The following ARID5B variants were observed in gnomAD, a reference collection of about 807,000 sequenced individuals.
The protein encoded by ARID5B is AT-rich interactive domain-containing protein 5B.
In ARID5B, 13 loss-of-function variants were observed where a neutral mutation model predicts 97.2. That is an observed-to-expected ratio of 0.13 (90% CI 0.09 to 0.21). The LOEUF is 0.21. Among genes scored for constraint, ARID5B ranks in the 10% least tolerant of loss-of-function variants. The probability of loss-of-function intolerance (pLI) is 1.00; values close to 1 mark genes in which losing one functional copy is unlikely to be tolerated. For missense variants in ARID5B, 1,210 were observed against 1,465.3 expected (o/e 0.83, Z 2.84); for synonymous variants, 556 against 570.3 (o/e 0.97, Z 0.36).
At chr10:61,923,587 C>T (rs889709992) in intron 2 of ARID5B, among the ~76,000 whole-genome samples, 9 of 152,200 alleles carry the variant, frequency 5.9e-5, no homozygotes, top group Non-Finnish European at 1.3e-4. Context: ...TAAGGGCTTA[C>T]GTTTACTGTC....
intron 3 of ARID5B, among the ~76,000 whole-genome samples, chr10:61,964,171 A>C (rs913645741): frequency 6.6e-6 from 1 of 152,170 alleles, no homozygotes; most frequent in Non-Finnish European, 1.5e-5. Context: ...GATAGCAGCC[A>C]GGGACCTCTT....
chr10:61,907,658 A>T (rs1213470404), intron 2 of ARID5B, among the ~76,000 whole-genome samples: 1 of 152,286 alleles, frequency 6.6e-6, no homozygotes, highest in Non-Finnish European at 1.5e-5. Flanking sequence ...CAGGCCTTTT[A>T]GAACAAAGAT....
intron 8 of ARID5B, among the ~76,000 whole-genome samples, chr10:62,076,207 G>C (rs17289724): frequency 0.33 from 49,882 of 151,744 alleles, 8,877 homozygotes; most frequent in Non-Finnish European, 0.4. Context: ...CCCATCACAA[G>C]ATCTGAGTCA....
intron 2 of ARID5B, among the ~76,000 whole-genome samples, chr10:61,934,345 G>A (rs1844261886): frequency 6.6e-6 from 1 of 152,208 alleles, no homozygotes; most frequent in African/African-American, 2.4e-5. Flanking sequence ...CACTGGAGTA[G>A]TGCTTTGAAT....
At chr10:62,061,977 TTTTC>T (rs149006520) in intron 7 of ARID5B, among the ~76,000 whole-genome samples, 1 of 152,174 alleles carries the variant, frequency 6.6e-6, no homozygotes, top group African/African-American at 2.4e-5. Flanking sequence ...CCTTCTTCCT[TTTTC>T]TTTCTTTCTT....
chr10:62,041,279 G>A (rs1267295200), intron 4 of ARID5B, among the ~76,000 whole-genome samples: 2 of 152,146 alleles, frequency 1.3e-5, no homozygotes, highest in Non-Finnish European at 2.9e-5. Context: ...TCCGGTACCT[G>A]CACAAACAAA....
At chr10:61,946,535 A>G (rs564990170) in intron 3 of ARID5B, among the ~76,000 whole-genome samples, 4 of 152,176 alleles carry the variant, frequency 2.6e-5, no homozygotes, top group Non-Finnish European at 5.9e-5. Flanking sequence ...ATTTTTCTTA[A>G]CACTGCAACT....
intron 3 of ARID5B, among the ~76,000 whole-genome samples, chr10:61,995,780 T>C (rs1437955867): frequency 6.6e-6 from 1 of 152,182 alleles, no homozygotes; most frequent in Non-Finnish European, 1.5e-5. Flanking sequence ...ATCTTTCCCT[T>C]TTACTTTTCA....
At chr10:61,948,371 CTT>C (rs1366492778) in intron 3 of ARID5B, among the ~76,000 whole-genome samples, 1 of 110,630 alleles carries the variant, frequency 9.0e-6, no homozygotes, top group African/African-American at 3.5e-5. Context: ...TTAGGATACA[CTT>C]TAGGTAATTT....
At chr10:61,993,509 C>A (rs780025414) in intron 3 of ARID5B, among the ~76,000 whole-genome samples, 1 of 151,998 alleles carries the variant, frequency 6.6e-6, no homozygotes, top group African/African-American at 2.4e-5. Context: ...AATTACCTTC[C>A]GAGAAATTAT....
chr10:62,061,727 TTAGGCAGA>T (rs1839923869), intron 7 of ARID5B, among the ~76,000 whole-genome samples: 1 of 152,180 alleles, frequency 6.6e-6, no homozygotes, highest in Admixed American at 6.5e-5. Flanking sequence ...TGCCCTCCTT[TTAGGCAGA>T]TAGGCAGATA....
At chr10:61,929,971 G>A (rs1044502068) in intron 2 of ARID5B, among the ~76,000 whole-genome samples, 12 of 152,230 alleles carry the variant, frequency 7.9e-5, no homozygotes, top group Non-Finnish European at 1.2e-4. Context: ...GTGCAGTTCC[G>A]CTGAGCTTGA....
In ARID5B at chr10:61,901,750, T is replaced by A; in HGVS notation, c.21+20T>A. On this transcript the variant is annotated intron_variant, in intron 1 of 9. Transcript: ENST00000279873. ...CTCCAGGTATTTCGCTCTCCTCCGC[T>A]CCTCCGATCCCGGCACCCCCCGGCA... The A allele has an allele frequency of 1.9e-6, 3 of 1,612,808 alleles. No individual in the cohort carries two copies. Among genetic ancestry groups the A allele is most frequent in the Non-Finnish European group, 2.5e-6 (3 of 1,179,622 alleles).
At chr10:62,014,418 G>A (rs536789415) in intron 4 of ARID5B, among the ~76,000 whole-genome samples, 8 of 152,326 alleles carry the variant, frequency 5.3e-5, no homozygotes, top group Non-Finnish European at 8.8e-5. Context: ...AGGAGGCAGC[G>A]TGTGGTAAGA....
In ARID5B at chr10:62,006,515, A is replaced by G. The variant is rs1202559111; in HGVS notation, c.733+6194A>G. On this transcript the variant is annotated intron_variant, in intron 4 of 9. Coordinates refer to ENST00000279873, the MANE Select transcript of ARID5B (RefSeq NM_032199.3). ...ACTCTTGGCACTTTCTCCTTGTTGC[A>G]TGGGCTACCAAAGTGAAAACAAGGA... Among the ~76,000 whole-genome samples, 3 of 152,308 alleles carry G rather than the reference A, an allele frequency of 2.0e-5. No individual in the cohort carries two copies. The East Asian group carries it at 5.8e-4, about 29-fold the overall frequency.
At chr10:61,992,020 G>A (rs1003644082) in intron 3 of ARID5B, among the ~76,000 whole-genome samples, 2 of 150,668 alleles carry the variant, frequency 1.3e-5, no homozygotes, top group Admixed American at 6.6e-5. Flanking sequence ...CAACAATAGC[G>A]AAACTCTGTC....
chr10:61,902,713 G>GTT (rs1360276742), intron 2 of ARID5B, among the ~76,000 whole-genome samples: 1 of 151,856 alleles, frequency 6.6e-6, no homozygotes, highest in Non-Finnish European at 1.5e-5. Flanking sequence ...ATGTGTGTGT[G>GTT]TGTGTTCATT....
At chr10:61,953,110 G>A (rs76025889) in intron 3 of ARID5B, among the ~76,000 whole-genome samples, 45 of 152,112 alleles carry the variant, frequency 3.0e-4, no homozygotes, top group Non-Finnish European at 4.6e-4. Flanking sequence ...CAATCACACC[G>A]TTTTAATCTT....
At chr10:62,008,437 C>G (rs1025113926) in intron 4 of ARID5B, among the ~76,000 whole-genome samples, 1 of 152,116 alleles carries the variant, frequency 6.6e-6, no homozygotes, top group African/African-American at 2.4e-5. Flanking sequence ...TGATGGAAAA[C>G]AGATAACTGA....
Sources: gnomAD v4.1 joint callset for allele counts (sites outside exome capture counted in the v4.1 genomes callset) on GRCh38, gnomAD v4.1.1 for gene constraint, MANE v1.5 for transcripts, NCBI Gene and HGNC (gene_info 2026-07-23, HGNC 2026-07-21) for gene names.